The following GRIP1 variants were observed in gnomAD, a reference collection of about 807,000 sequenced individuals.
GRIP1 encodes glutamate receptor-interacting protein 1.
In GRIP1, 45 loss-of-function variants were observed where a neutral mutation model predicts 129.9. The ratio of observed to expected loss-of-function variants is 0.35; its 90% CI spans 0.27 to 0.44. GRIP1 has a LOEUF of 0.44. Among genes scored for constraint, GRIP1 ranks in the 20% least tolerant of loss-of-function variants. The pLI is 1.00. For missense variants in GRIP1, 1,196 were observed against 1,396.8 expected (o/e 0.86, Z 2.29); for synonymous variants, 530 against 520.8 (o/e 1.02, Z -0.24).
intron 1 of GRIP1, among the ~76,000 whole-genome samples, chr12:66,692,269 A>C (rs539878447): frequency 2.0e-5 from 3 of 152,344 alleles, no homozygotes; most frequent in Admixed American, 2.0e-4. Context: ...TTACAACTGT[A>C]ATTTCTCACT....
At chr12:66,934,800 G>A (rs913946401) in intron 1 of GRIP1, among the ~76,000 whole-genome samples, 6 of 152,206 alleles carry the variant, frequency 3.9e-5, no homozygotes, top group Admixed American at 6.5e-5. Flanking sequence ...GATCGTGGAC[G>A]ATGATGGAGG....
intron 1 of GRIP1, among the ~76,000 whole-genome samples, chr12:67,043,475 CAACCAA>C (rs1164601560): frequency 6.6e-6 from 1 of 152,122 alleles, no homozygotes; most frequent in African/African-American, 2.4e-5. Flanking sequence ...CCTAAAGATA[CAACCAA>C]AAGTCTTCAG....
At chr12:66,633,338 A>G (rs916131080) in intron 1 of GRIP1, among the ~76,000 whole-genome samples, 1 of 148,916 alleles carries the variant, frequency 6.7e-6, no homozygotes, top group African/African-American at 2.5e-5. Flanking sequence ...TATAGTAGAG[A>G]TGGGGTTTTG....
chr12:66,949,761 T>TG (rs67365152), intron 1 of GRIP1, among the ~76,000 whole-genome samples: 2 of 58,986 alleles, frequency 3.4e-5, no homozygotes, highest in African/African-American at 5.6e-5. Flanking sequence ...ATGCTCCTCC[T>TG]TTTTTTTTTT....
At chr12:66,597,675 A>G (rs2064108972) in intron 1 of GRIP1, among the ~76,000 whole-genome samples, 1 of 152,204 alleles carries the variant, frequency 6.6e-6, no homozygotes, top group South Asian at 2.1e-4. Context: ...TATGTGTGAG[A>G]GTTAGGTAAG....
chr12:66,618,259 G>A (rs1003449531), intron 1 of GRIP1, among the ~76,000 whole-genome samples: 16 of 152,276 alleles, frequency 1.1e-4, no homozygotes, highest in Admixed American at 8.5e-4. Flanking sequence ...TGGAAGCAGC[G>A]AAGTGCAGAG....
intron 5 of GRIP1, among the ~76,000 whole-genome samples, chr12:66,523,735 A>T (rs1158472999): frequency 1.3e-5 from 2 of 152,210 alleles, no homozygotes; most frequent in Non-Finnish European, 2.9e-5. Context: ...CAGACTGGCA[A>T]ATTGGATAAA....
upstream of GRIP1, among the ~76,000 whole-genome samples, chr12:66,681,661 G>T (rs1204997597): frequency 1.3e-5 from 2 of 152,108 alleles, no homozygotes; most frequent in African/African-American, 4.8e-5. Context: ...CCAAGTAGGG[G>T]TTATGGAAAA....
intron 15 of GRIP1, among the ~76,000 whole-genome samples, chr12:66,415,830 A>AACAC (rs1431987559): frequency 6.6e-6 from 1 of 152,168 alleles, no homozygotes; most frequent in East Asian, 1.9e-4. Flanking sequence ...CAGAAAACCA[A>AACAC]ACACTGCATG....
intron 2 of GRIP1, among the ~76,000 whole-genome samples, chr12:66,593,379 CAT>C (rs2063916005): frequency 6.6e-6 from 1 of 152,084 alleles, no homozygotes; most frequent in African/African-American, 2.4e-5. Flanking sequence ...AGATAGGAGT[CAT>C]ATATTTTGAC....
chr12:66,465,403 G>A lies in GRIP1; in HGVS notation c.744C>T (p.Ser248=), dbSNP rs1446748251. The A allele has an allele frequency of 5.5e-5, 89 of 1,613,690 alleles. No individual in the cohort carries two copies. Among genetic ancestry groups the A allele is most frequent in the Non-Finnish European group, 6.9e-5 (81 of 1,179,774 alleles). The change falls in exon 8 of 25, where the codon TCC becomes TCT. Residue 248 remains serine (S), a synonymous_variant. Coordinates refer to ENST00000359742, the MANE Select transcript of GRIP1 (RefSeq NM_001366722.1). ...VSVMDSVATA[S]GPLLVEVAKT... is the part of the protein sequence containing the mutation. ...TGGCAACTTCGACTAGTAGTGGCCCGGATGCTGTTGCCACAGAGTCTGTCA... is the reference window on the plus strand; with the variant it reads ...TGGCAACTTCGACTAGTAGTGGCCCAGATGCTGTTGCCACAGAGTCTGTCA...
chr12:66,914,341 T>G (rs1411043359), intron 1 of GRIP1, among the ~76,000 whole-genome samples: 1 of 152,230 alleles, frequency 6.6e-6, no homozygotes, highest in Non-Finnish European at 1.5e-5. Flanking sequence ...TTTGGGCATT[T>G]ACATCTTTTA....
intron 1 of GRIP1, among the ~76,000 whole-genome samples, chr12:66,793,062 C>T (rs1387437050): frequency 6.6e-6 from 1 of 151,986 alleles, no homozygotes; most frequent in Non-Finnish European, 1.5e-5. Context: ...AAACTAGTTC[C>T]TATATAGTTT....
chr12:67,005,023 TAA>T (rs34237594), intron 1 of GRIP1, among the ~76,000 whole-genome samples: 12,550 of 149,428 alleles, frequency 0.084, 631 homozygotes, highest in Non-Finnish European at 0.11. Context: ...GCATTAACTT[TAA>T]AAAAAAAAAA....
intron 1 of GRIP1, among the ~76,000 whole-genome samples, chr12:66,660,883 A>G (rs902716564): frequency 2.0e-5 from 3 of 151,994 alleles, no homozygotes; most frequent in Non-Finnish European, 4.4e-5. Context: ...GTATATGTTT[A>G]TATGTGTGTA....
At chr12:66,352,468 C>T (rs528956874) in intron 24 of GRIP1, among the ~76,000 whole-genome samples, 8 of 152,298 alleles carry the variant, frequency 5.3e-5, no homozygotes, top group African/African-American at 1.9e-4. Flanking sequence ...CACAGTGGCT[C>T]ACACCTATAA....
At chr12:66,835,053 G>A (rs1206836854) in intron 1 of GRIP1, among the ~76,000 whole-genome samples, 1 of 151,924 alleles carries the variant, frequency 6.6e-6, no homozygotes, top group African/African-American at 2.4e-5. Context: ...CCACAGACTG[G>A]GAAAAATATT....
chr12:66,903,642 A>G (rs1373794968), intron 1 of GRIP1, among the ~76,000 whole-genome samples: 2 of 152,184 alleles, frequency 1.3e-5, no homozygotes, highest in Non-Finnish European at 2.9e-5. Flanking sequence ...TCAAAGAAAG[A>G]TTTTAGGAAA....
At chr12:66,557,020 C>A (rs1456496840) in intron 2 of GRIP1, among the ~76,000 whole-genome samples, 1 of 151,794 alleles carries the variant, frequency 6.6e-6, no homozygotes, top group Admixed American at 6.6e-5. Context: ...ATTCTCCAAT[C>A]AAGAGACACA....
Sources: allele counts gnomAD v4.1 joint callset (sites outside exome capture counted in the v4.1 genomes callset), GRCh38; gene constraint gnomAD v4.1.1; transcripts MANE v1.5; gene names NCBI Gene and HGNC (gene_info 2026-07-23, HGNC 2026-07-21).